ESRRG: variants seen among roughly 807,000 people sequenced by gnomAD.
ESRRG encodes estrogen-related receptor gamma.
Under a neutral mutation model 44.0 loss-of-function variants are expected in ESRRG, and 13 were observed. That is an observed-to-expected ratio of 0.30 (90% CI 0.19 to 0.47). ESRRG has a LOEUF of 0.47. ESRRG is among the 20% of genes least tolerant of loss of function. The pLI is 1.00. For synonymous variants in ESRRG, 215 were observed against 214.6 expected (o/e 1.00, Z -0.02); for missense variants, 395 against 580.6 (o/e 0.68, Z 3.29).
At chr1:216,937,056 A>G (rs2064262060) in intron 2 of ESRRG, among the ~76,000 whole-genome samples, 1 of 152,072 alleles carries the variant, frequency 6.6e-6, no homozygotes, top group African/African-American at 2.4e-5. Flanking sequence ...TGTAATTGGT[A>G]CTTATCTTTG....
intron 2 of ESRRG, among the ~76,000 whole-genome samples, chr1:216,655,583 T>G (rs1285209904): frequency 6.6e-6 from 1 of 152,174 alleles, no homozygotes; most frequent in East Asian, 1.9e-4. Flanking sequence ...TCTTCACAAA[T>G]GATATAGTTT....
intron 2 of ESRRG, among the ~76,000 whole-genome samples, chr1:216,936,012 G>A (rs2064091570): frequency 6.6e-6 from 1 of 152,066 alleles, no homozygotes; most frequent in Admixed American, 6.6e-5. Flanking sequence ...TGAGGGGTAT[G>A]GTTGAAAGTT....
rs377576237 is a variant in ESRRG at position 217,067,375 on chromosome 1, C to A, written c.-106+22132G>T. Among the ~76,000 whole-genome samples, 17 of 151,088 alleles carry A rather than the reference C, an allele frequency of 1.1e-4. 1 individual carries two copies. Among genetic ancestry groups the A allele is most frequent in the African/African-American group, 3.6e-4 (15 of 41,200 alleles). On this transcript the variant is annotated intron_variant, in intron 1 of 7. Transcript: ENST00000359162. ...AAACAACACTAAGGTAAACCAAAGACCATTTTGCTTATAAGCATGTATCCT... is the reference window on the plus strand; with the variant it reads ...AAACAACACTAAGGTAAACCAAAGAACATTTTGCTTATAAGCATGTATCCT...
At chr1:216,580,328 C>T (rs1254255679) in intron 3 of ESRRG, among the ~76,000 whole-genome samples, 1 of 151,926 alleles carries the variant, frequency 6.6e-6, no homozygotes, top group Non-Finnish European at 1.5e-5. Flanking sequence ...TTTCTTAATG[C>T]ACCAGTGTAC....
intron 2 of ESRRG, among the ~76,000 whole-genome samples, chr1:216,763,159 T>G (rs1252894397): frequency 2.0e-5 from 3 of 152,132 alleles, no homozygotes; most frequent in Admixed American, 2.0e-4. Flanking sequence ...GTTGAGCTCA[T>G]TTCCTCAATT....
At chr1:216,784,539 T>C (rs1450721904) in intron 2 of ESRRG, among the ~76,000 whole-genome samples, 1 of 152,108 alleles carries the variant, frequency 6.6e-6, no homozygotes, top group Non-Finnish European at 1.5e-5. Flanking sequence ...AGGAAGTTCA[T>C]AAAACATAAC....
chr1:216,616,700 T>A (rs2061470088), intron 3 of ESRRG, among the ~76,000 whole-genome samples: 1 of 121,370 alleles, frequency 8.2e-6, no homozygotes, highest in South Asian at 2.5e-4. Flanking sequence ...GATCTCACTT[T>A]CCTCCCTCTT....
chr1:216,708,020 G>A (rs1221338106), intron 1 of ESRRG, among the ~76,000 whole-genome samples: 1 of 152,082 alleles, frequency 6.6e-6, no homozygotes, highest in Admixed American at 6.6e-5. Context: ...TACACTGGAA[G>A]GCAAGTGGTG....
intron 2 of ESRRG, among the ~76,000 whole-genome samples, chr1:216,732,858 A>T (rs112152791): frequency 4.3e-5 from 4 of 92,050 alleles, no homozygotes; most frequent in African/African-American, 1.2e-4. Flanking sequence ...AAGGGGGGGG[A>T]GGAGGGGGAC....
At chr1:216,907,232 G>A (rs1217014829) in intron 2 of ESRRG, among the ~76,000 whole-genome samples, 1 of 152,120 alleles carries the variant, frequency 6.6e-6, no homozygotes, top group African/African-American at 2.4e-5. Flanking sequence ...GATGGTGAAG[G>A]AAGGAAAAGC....
intron 2 of ESRRG, among the ~76,000 whole-genome samples, chr1:216,918,331 G>A (rs1479962382): frequency 6.6e-6 from 1 of 152,038 alleles, no homozygotes; most frequent in African/African-American, 2.4e-5. Flanking sequence ...AAAGCAATAT[G>A]TGCCCTGCTC....
intron 2 of ESRRG, among the ~76,000 whole-genome samples, chr1:216,867,980 T>G (rs1000434316): frequency 6.6e-6 from 1 of 152,116 alleles, no homozygotes; most frequent in African/African-American, 2.4e-5. Context: ...TTTTATCTTT[T>G]TGTGAATGTC....
chr1:217,119,422 T>A (rs1378509305), intron 1 of ESRRG, among the ~76,000 whole-genome samples: 1 of 152,216 alleles, frequency 6.6e-6, no homozygotes, highest in Non-Finnish European at 1.5e-5. Context: ...CAATGGACCA[T>A]GTAAATCTGA....
At chr1:216,591,042 C>T (rs1467115865) in intron 3 of ESRRG, among the ~76,000 whole-genome samples, 1 of 152,042 alleles carries the variant, frequency 6.6e-6, no homozygotes, top group Non-Finnish European at 1.5e-5. Context: ...CTTGAAATTT[C>T]CTGAGTGAAA....
chr1:216,987,403 C>T (rs1344905758), intron 1 of ESRRG, among the ~76,000 whole-genome samples: 1 of 152,170 alleles, frequency 6.6e-6, no homozygotes, highest in African/African-American at 2.4e-5. Flanking sequence ...TTCAGCTTCC[C>T]TCTCCTGCTT....
At chr1:216,552,479 C>T (rs746601983) in intron 5 of ESRRG, among the ~76,000 whole-genome samples, 6 of 152,142 alleles carry the variant, frequency 3.9e-5, no homozygotes, top group South Asian at 2.1e-4. Context: ...AGGCATTTAA[C>T]GTTTGTTGAA....
At chr1:216,657,543 C>T (rs1007565651) in intron 2 of ESRRG, among the ~76,000 whole-genome samples, 2 of 152,142 alleles carry the variant, frequency 1.3e-5, no homozygotes, top group African/African-American at 4.8e-5. Flanking sequence ...AATTTTAAGT[C>T]TACCCTTAAA....
At chr1:216,952,518 T>A (rs995225145) in intron 1 of ESRRG, among the ~76,000 whole-genome samples, 1 of 152,082 alleles carries the variant, frequency 6.6e-6, no homozygotes, top group African/African-American at 2.4e-5. Flanking sequence ...TATTCCCCCA[T>A]GGCATCCTCC....
chr1:216,545,700 C>T (rs1189178418), intron 5 of ESRRG, among the ~76,000 whole-genome samples: 1 of 151,994 alleles, frequency 6.6e-6, no homozygotes, highest in African/African-American at 2.4e-5. Context: ...CTACAATGGC[C>T]TCTTTCTCCC....
Sources: allele counts gnomAD v4.1 joint callset (sites outside exome capture counted in the v4.1 genomes callset), GRCh38; gene constraint gnomAD v4.1.1; transcripts MANE v1.5; gene names NCBI Gene and HGNC (gene_info 2026-07-23, HGNC 2026-07-21).